NFAT5: variants seen among roughly 807,000 people sequenced by gnomAD.
NFAT5 encodes nuclear factor of activated T cells 5, also known as nuclear factor of activated T-cells 5.
In NFAT5, 31 loss-of-function variants were observed where a neutral mutation model predicts 166.5. The observed-to-expected ratio is 0.19, with a 90% confidence interval of 0.14 to 0.25. The LOEUF is 0.25. Ranked by LOEUF, NFAT5 falls within the 10% of genes least tolerant of loss-of-function variation. The probability of loss-of-function intolerance (pLI) is 1.00; values close to 1 mark genes in which losing one functional copy is unlikely to be tolerated. For synonymous variants in NFAT5, 612 were observed against 639.7 expected (o/e 0.96, Z 0.65); for missense variants, 1,449 against 1,821.8 (o/e 0.80, Z 3.72).
chr16:69,625,533 T>C (rs1235682630), intron 2 of NFAT5, among the ~76,000 whole-genome samples: 1 of 133,016 alleles, frequency 7.5e-6, no homozygotes, highest in Non-Finnish European at 1.5e-5. Context: ...ATAACATTCC[T>C]TTTTTTTTTT....
intron 3 of NFAT5, among the ~76,000 whole-genome samples, chr16:69,643,234 A>T (rs1412757505): frequency 6.6e-6 from 1 of 151,744 alleles, no homozygotes; most frequent in Admixed American, 6.6e-5. Flanking sequence ...AAAAAAAAAA[A>T]AGAATATATA....
At chr16:69,644,560 A>T (rs1450877037) in intron 3 of NFAT5, among the ~76,000 whole-genome samples, 1 of 152,142 alleles carries the variant, frequency 6.6e-6, no homozygotes, top group South Asian at 2.1e-4. Context: ...TTTATGTAGG[A>T]TATGATATCA....
At chr16:69,680,778 G>T (rs1054231881) in intron 10 of NFAT5, among the ~76,000 whole-genome samples, 2 of 151,082 alleles carry the variant, frequency 1.3e-5, no homozygotes, top group South Asian at 4.2e-4. Context: ...TTGTTTTTTT[G>T]AGATGAATTC....
At position 69,566,385 on chromosome 16, in the gene NFAT5, C is replaced by G; in HGVS notation, c.73+11C>G. ...CCCTCTACTCGCGAGGTGAGTCAGG[C>G]TGTGGGGGGTGGGGCGTGGGGGCGG... On this transcript the variant is annotated intron_variant, in intron 1 of 14. Coordinates refer to ENST00000349945, the MANE Select transcript of NFAT5 (RefSeq NM_138713.4). This position sits in a 1 kb window ranked among gnomAD's most constrained non-coding sequence, Gnocchi z 5.7. The G allele has an allele frequency of 9.6e-7, 1 of 1,042,868 alleles. No individual in the cohort carries two copies. Among genetic ancestry groups the G allele is most frequent in the Non-Finnish European group, 1.5e-6 (1 of 687,796 alleles). The allele number at this position is 1,042,868 out of a possible 1,614,324, so 64.6% of individuals were successfully genotyped here. A position where few individuals can be genotyped will look rare whatever the true frequency, so the allele number is the denominator to read the frequency against.
rs2016003732 is a variant in NFAT5 at position 69,566,042 on chromosome 16, G to A, written c.-260G>A. The A allele has an allele frequency of 2.1e-6, 1 of 472,306 alleles. No individual in the cohort carries two copies. Among genetic ancestry groups the A allele is most frequent in the African/African-American group, 2.3e-5 (1 of 44,358 alleles). The allele number at this position is 472,306 out of a possible 1,614,324, so 29.3% of individuals were successfully genotyped here. Reference sequence around the variant, plus strand: ...GGAGAAACACGAAACGGACCCTTTGGCTCTCCCCCTTCCCCTTCCCCGTCC... The same window carrying A: ...GGAGAAACACGAAACGGACCCTTTGACTCTCCCCCTTCCCCTTCCCCGTCC... On this transcript the variant is annotated 5_prime_UTR_variant, in exon 1 of 15. Coordinates refer to ENST00000349945, the MANE Select transcript of NFAT5 (RefSeq NM_138713.4). The surrounding 1 kb of genome is among the most constrained non-coding windows in gnomAD (Gnocchi z 5.7).
chr16:69,640,887 A>G (rs1597453755), intron 3 of NFAT5, among the ~76,000 whole-genome samples: 2 of 152,100 alleles, frequency 1.3e-5, no homozygotes, highest in Admixed American at 6.6e-5. Context: ...TGGCTGAGGC[A>G]GAAGAATCGC....
At chr16:69,572,911 C>T (rs2016525689) in intron 2 of NFAT5, among the ~76,000 whole-genome samples, 2 of 152,140 alleles carry the variant, frequency 1.3e-5, no homozygotes, top group Admixed American at 1.3e-4. Context: ...GGCATGATCT[C>T]AGCTCACTGC....
chr16:69,574,280 A>G (rs1189802454), intron 2 of NFAT5, among the ~76,000 whole-genome samples: 1 of 152,162 alleles, frequency 6.6e-6, no homozygotes, highest in Non-Finnish European at 1.5e-5. Context: ...TAGGATATAG[A>G]CCTTTTAACT....
chr16:69,593,053 T>C (rs2151528580), intron 2 of NFAT5, among the ~76,000 whole-genome samples: 1 of 152,316 alleles, frequency 6.6e-6, no homozygotes, highest in African/African-American at 2.4e-5. Context: ...TTAGTTGCGT[T>C]AGTGTCAAAA....
intron 2 of NFAT5, among the ~76,000 whole-genome samples, chr16:69,610,203 TG>T (rs1365777626): frequency 1.3e-5 from 2 of 152,142 alleles, no homozygotes; most frequent in Admixed American, 6.5e-5. Flanking sequence ...TAGGTGATAA[TG>T]GGGTGGAAGT....
intron 9 of NFAT5, among the ~76,000 whole-genome samples, chr16:69,675,950 A>G (rs952667513): frequency 1.3e-5 from 2 of 152,086 alleles, no homozygotes; most frequent in Non-Finnish European, 2.9e-5. Flanking sequence ...CTAGTTCTTT[A>G]TTTATAATGT....
rs1011646232 is a variant in NFAT5, at chr16:69,703,434, C to T, written c.*7083C>T. ...TTTCTCGTTTCTCAAGTGTATGCAT[C>T]ATGGTAAATATAAACTAACCACAAG... On this transcript the variant is annotated 3_prime_UTR_variant, in exon 15 of 15. Coordinates refer to ENST00000349945, the MANE Select transcript of NFAT5 (RefSeq NM_138713.4). 6.6e-6 allele frequency: 1 copy of T among 152,554 alleles called. No homozygotes were observed. The highest frequency in any genetic ancestry group is 1.5e-5 in the Non-Finnish European group (1 of 68,010). The allele number at this position is 152,554 out of a possible 1,614,324, so 9.5% of individuals were successfully genotyped here.
At chr16:69,689,607 G>A (rs2037467708) in intron 11 of NFAT5, among the ~76,000 whole-genome samples, 1 of 152,168 alleles carries the variant, frequency 6.6e-6, no homozygotes. Flanking sequence ...ACAGTAGAGC[G>A]ATCTCAGCTC....
At chr16:69,688,209 A>AAAAC (rs2037397458) in intron 11 of NFAT5, among the ~76,000 whole-genome samples, 2 of 120,704 alleles carry the variant, frequency 1.7e-5, no homozygotes, top group African/African-American at 8.3e-5. Flanking sequence ...TCTCAAAAAA[A>AAAAC]AAAAAAAAAA....
chr16:69,647,687 T>C lies in NFAT5; in HGVS notation c.812+101T>C. On this transcript the variant is annotated intron_variant, in intron 4 of 14. Coordinates refer to ENST00000349945, the MANE Select transcript of NFAT5 (RefSeq NM_138713.4). This position sits in a 1 kb window ranked among gnomAD's most constrained non-coding sequence, Gnocchi z 4.8. ...TAATTGCTGAGCTCAAGTTTGCATA[T>C]AAAGCAACAGTGCTAATTTTATCAT... is the stretch of plus-strand genomic sequence containing the variant. The C allele has an allele frequency of 9.2e-7, 1 of 1,087,696 alleles. No homozygotes were observed. The highest frequency in any genetic ancestry group is 1.6e-5 in the South Asian group (1 of 60,690). 67.4% of individuals were successfully genotyped at this position (1,087,696 alleles called of 1,614,324 possible). A position where few individuals can be genotyped will look rare whatever the true frequency, so the allele number is the denominator to read the frequency against.
intron 1 of NFAT5, among the ~76,000 whole-genome samples, chr16:69,567,122 C>T (rs935773999): frequency 1.3e-5 from 2 of 152,216 alleles, no homozygotes; most frequent in Admixed American, 6.5e-5. Flanking sequence ...TTATTCCTCT[C>T]CTCTCCCAGG....
At chr16:69,580,782 A>G (rs2031628533) in intron 2 of NFAT5, among the ~76,000 whole-genome samples, 1 of 151,802 alleles carries the variant, frequency 6.6e-6, no homozygotes, top group East Asian at 2.0e-4. Context: ...CAGCCTCCCG[A>G]GTAGCTGGGA....
chr16:69,657,438 A>AT (rs1166916511), intron 6 of NFAT5, among the ~76,000 whole-genome samples: 1 of 148,878 alleles, frequency 6.7e-6, no homozygotes, highest in Non-Finnish European at 1.5e-5. Context: ...CCTCATAAAT[A>AT]TTTTTTAACT....
At chr16:69,627,748 G>A (rs1458458305) in intron 3 of NFAT5, among the ~76,000 whole-genome samples, 1 of 152,114 alleles carries the variant, frequency 6.6e-6, no homozygotes, top group Non-Finnish European at 1.5e-5. Context: ...AACAGTTTCT[G>A]TGGATTTAAT....
Sources: allele counts gnomAD v4.1 joint callset (sites outside exome capture counted in the v4.1 genomes callset), GRCh38; gene constraint gnomAD v4.1.1; non-coding constraint Gnocchi (gnomAD v3.1); transcripts MANE v1.5; gene names NCBI Gene and HGNC (gene_info 2026-07-23, HGNC 2026-07-21).